The following RNF149 variants were observed in gnomAD, a reference collection of about 807,000 sequenced individuals.
RNF149 encodes ring finger protein 149.
A neutral mutation model predicts 39.0 loss-of-function variants in RNF149; 21 were observed. That is an observed-to-expected ratio of 0.54 (90% CI 0.38 to 0.77). The LOEUF (loss-of-function observed/expected upper bound fraction) is 0.77, where lower values mean the gene tolerates loss of function less well. Ranked by LOEUF, RNF149 falls within the 30% of genes least tolerant of loss-of-function variation. The pLI is 0.00. For synonymous variants in RNF149, 209 were observed against 213.6 expected (o/e 0.98, Z 0.19); for missense variants, 493 against 534.9 (o/e 0.92, Z 0.77).
intron 6 of RNF149, among the ~76,000 whole-genome samples, chr2:101,278,376 A>C (rs1243113972): frequency 6.6e-6 from 1 of 152,146 alleles, no homozygotes; most frequent in Non-Finnish European, 1.5e-5. Flanking sequence ...CATGCGATGC[A>C]ATCTGCTCCC....
intron 2 of RNF149, chr2:101,294,333 A>T: frequency 2.9e-6 from 1 of 344,610 alleles, no homozygotes; most frequent in Non-Finnish European, 5.3e-6. Flanking sequence ...ATGTAACTTT[A>T]AGAGGTGTTT....
chr2:101,289,232 A>G (rs1045247796), intron 3 of RNF149, among the ~76,000 whole-genome samples, 177 bp from the exon 4 acceptor site: 1 of 152,234 alleles, frequency 6.6e-6, no homozygotes, highest in Admixed American at 6.5e-5. Flanking sequence ...TTATCTAAAT[A>G]CGGTTGAAAA....
At chr2:101,282,673 T>C (rs1266054433) in intron 5 of RNF149, among the ~76,000 whole-genome samples, 2 of 152,088 alleles carry the variant, frequency 1.3e-5, no homozygotes, top group African/African-American at 2.4e-5. Flanking sequence ...GAAACTTTAT[T>C]TGATTAATAC....
chr2:101,295,406 T>C (rs1366227338), intron 1 of RNF149, among the ~76,000 whole-genome samples: 1 of 152,056 alleles, frequency 6.6e-6, no homozygotes, highest in Non-Finnish European at 1.5e-5. Flanking sequence ...GGTGCCTGCC[T>C]GTAATAGCAC....
At chr2:101,292,403 T>C (rs1185323951) in intron 3 of RNF149, among the ~76,000 whole-genome samples, 1 of 152,206 alleles carries the variant, frequency 6.6e-6, no homozygotes, top group Non-Finnish European at 1.5e-5. Flanking sequence ...ATAATACCAA[T>C]TTACTTGTGT....
intron 1 of RNF149, chr2:101,307,907 C>CA (rs1683736979): frequency 3.0e-6 from 3 of 985,408 alleles, no homozygotes; most frequent in Non-Finnish European, 3.6e-6. Context: ...CCTCATCGAT[C>CA]AAAGGCGAAG....
intron 1 of RNF149, among the ~76,000 whole-genome samples, chr2:101,302,188 T>C (rs970654593): frequency 6.6e-6 from 1 of 152,322 alleles, no homozygotes; most frequent in East Asian, 1.9e-4. Context: ...AAGTATTACC[T>C]GTTCTTATTT....
At chr2:101,287,314 ACT>A (rs1682833326) in intron 4 of RNF149, among the ~76,000 whole-genome samples, 1 of 152,076 alleles carries the variant, frequency 6.6e-6, no homozygotes, top group Non-Finnish European at 1.5e-5. Flanking sequence ...CAAGAACGAA[ACT>A]CTGTCTCAAA....
At chr2:101,295,579 T>G (rs1683196364) in intron 1 of RNF149, among the ~76,000 whole-genome samples, 1 of 150,382 alleles carries the variant, frequency 6.6e-6, no homozygotes, top group Non-Finnish European at 1.5e-5. Context: ...GAGAATCACA[T>G]GAACCTGGGA....
At chr2:101,299,141 G>T (rs1683353936) in intron 1 of RNF149, among the ~76,000 whole-genome samples, 1 of 152,208 alleles carries the variant, frequency 6.6e-6, no homozygotes, top group Non-Finnish European at 1.5e-5. Flanking sequence ...GGGCGACAGG[G>T]CGAGACTCTG....
chr2:101,274,960 AT>A (rs1164010619), downstream of RNF149, among the ~76,000 whole-genome samples: 321 of 131,144 alleles, frequency 2.4e-3, no homozygotes, highest in African/African-American at 3.3e-3. Context: ...CTAATTTTGT[AT>A]TTTTTTTTTT....
At position 101,277,297 on chromosome 2, in the gene RNF149, A is replaced by AT; in HGVS notation, c.1160-17dup. 6.2e-7 allele frequency: 1 copy of AT among 1,609,856 alleles called. No homozygotes were observed. Among genetic ancestry groups the AT allele is most frequent in the Non-Finnish European group, 8.5e-7 (1 of 1,177,960 alleles). On this transcript the variant is annotated splice_polypyrimidine_tract_variant and intron_variant, in intron 6 of 6. Coordinates refer to ENST00000295317, the MANE Select transcript of RNF149 (RefSeq NM_173647.4). ...CTGCCGGCTTCTGCAAGAGAGCAAC[A>AT]TAAGCTACTCCATCAGAAGAGGGCA...
In RNF149 at chr2:101,277,238, C is replaced by G; in HGVS notation, c.1203G>C (p.Ter401TyrextTer16). The change falls in exon 7 of 7, where the codon TAG becomes TAC. Residue 401 changes from the stop codon to tyrosine (Y), a stop_lost. Transcript: ENST00000295317. ...GGTGCCACTTCAGTGGGCACGTGTG[C>G]TAGGAGATGGGTCCTCCATGCCGAG... Reference protein sequence around the residue: ...SDSRHGGPIS* With the variant: ...SDSRHGGPISY 6.2e-7 allele frequency: 1 copy of G among 1,613,572 alleles called. No homozygotes were observed. The highest frequency in any genetic ancestry group is 8.5e-7 in the Non-Finnish European group (1 of 1,179,732).
intron 6 of RNF149, among the ~76,000 whole-genome samples, chr2:101,280,453 T>TG (rs1682537699): frequency 6.6e-6 from 1 of 152,090 alleles, no homozygotes; most frequent in Non-Finnish European, 1.5e-5. Flanking sequence ...AAATCTTACA[T>TG]TAAGATTTAA....
Position 101,276,948 on chromosome 2 carries a change from C to T in RNF149, c.*290G>A, listed in dbSNP as rs964286334. On this transcript the variant is annotated 3_prime_UTR_variant, in exon 7 of 7. Coordinates refer to ENST00000295317, the MANE Select transcript of RNF149 (RefSeq NM_173647.4). ...CATAGCAGCCAATTATTTAGAAACA[C>T]CACCTGTCCTTTATATTAGAGTACC... 5.4e-6 allele frequency: 6 copies of T among 1,117,652 alleles called. No homozygotes were observed. The South Asian group carries it at 1.2e-4, about 22-fold the overall frequency. 69.2% of individuals were successfully genotyped at this position (1,117,652 alleles called of 1,614,324 possible).
chr2:101,280,796 T>C (rs1462952484), intron 6 of RNF149, among the ~76,000 whole-genome samples: 2 of 152,016 alleles, frequency 1.3e-5, no homozygotes, highest in Non-Finnish European at 2.9e-5. Flanking sequence ...TGACCAACAA[T>C]GTGAAAAGAG....
At position 101,308,356 on chromosome 2, in the gene RNF149, C is replaced by G. The variant is rs754070985; in HGVS notation, c.233G>C (p.Gly78Ala). The G allele has an allele frequency of 2.6e-5, 42 of 1,603,132 alleles. No homozygotes were observed. The highest frequency in any genetic ancestry group is 3.2e-5 in the Non-Finnish European group (38 of 1,176,934). ...SPKEGAHGLV[G>A]VPWAPGGDLE... ...GTCTCCGCCGGGCGCCCACGGGACG[C>G]CCACCAGGCCATGCGCGCCCTCCTT... The change falls in exon 1 of 7, where the codon GGC (glycine) becomes GCC (alanine). Residue 78 changes from glycine (G) to alanine (A), a missense_variant. Coordinates refer to ENST00000295317, the MANE Select transcript of RNF149 (RefSeq NM_173647.4).
chr2:101,307,028 A>T (rs942463980), intron 1 of RNF149, among the ~76,000 whole-genome samples: 2 of 152,238 alleles, frequency 1.3e-5, no homozygotes, highest in Non-Finnish European at 2.9e-5. Context: ...ATAACAGAGT[A>T]TGTTCACTCT....
chr2:101,276,507 A>G lies in RNF149; in HGVS notation c.*731T>C. On this transcript the variant is annotated 3_prime_UTR_variant, in exon 7 of 7. Transcript: ENST00000295317. The stretch of plus-strand genomic sequence containing the variant: ...CTGAGTCTGCCTACTCATTTTCCTT[A>G]ACAAGGCAATGAAGAACTTAATGCT... 1 of 985,804 alleles carries G rather than the reference A, an allele frequency of 1.0e-6. No homozygotes were observed. Among genetic ancestry groups the G allele is most frequent in the African/African-American group, 1.7e-5 (1 of 57,362 alleles). The allele number at this position is 985,804 out of a possible 1,614,324, so 61.1% of individuals were successfully genotyped here.
Sources: gnomAD v4.1 joint callset for allele counts (sites outside exome capture counted in the v4.1 genomes callset) on GRCh38, gnomAD v4.1.1 for gene constraint, MANE v1.5 for transcripts, NCBI Gene and HGNC (gene_info 2026-07-23, HGNC 2026-07-21) for gene names.